DPP4: variants seen among roughly 807,000 people sequenced by gnomAD.
DPP4 encodes the protein dipeptidyl peptidase 4, also known as ADCP-2.
In DPP4, 93 loss-of-function variants were observed where a neutral mutation model predicts 122.4. That is an observed-to-expected ratio of 0.76 (90% confidence interval 0.64 to 0.90). The LOEUF is 0.90. Among genes scored for constraint, DPP4 ranks in the 40% least tolerant of loss-of-function variants. The pLI is 0.00. For synonymous variants in DPP4, 321 were observed against 302.9 expected (o/e 1.06, Z -0.62); for missense variants, 914 against 907.3 (o/e 1.01, Z -0.09).
At chr2:162,001,868 C>T (rs1701158155) in intron 23 of DPP4, among the ~76,000 whole-genome samples, 1 of 152,186 alleles carries the variant, frequency 6.6e-6, no homozygotes, top group African/African-American at 2.4e-5. Context: ...GTCACCCCTC[C>T]ACTTTGGCTG....
chr2:162,039,162 G>A lies in DPP4; in HGVS notation c.389C>T (p.Ala130Val). The change falls in exon 6 of 26, where the codon GCT (alanine) becomes GTT (valine). Residue 130 changes from alanine (A) to valine (V), a missense_variant. Coordinates refer to ENST00000360534, the MANE Select transcript of DPP4 (RefSeq NM_001935.4). The stretch of plus-strand genomic sequence containing the variant: ...ATTTAAATCATAAATGTCATATGAA[G>A]CTGTGTAGGAATGCCTCCATTGCTA... ...YVKQWRHSYT[A>V]SYDIYDLNKR... The A allele has an allele frequency of 6.2e-7, 1 of 1,612,842 alleles. No individual in the cohort carries two copies. Among genetic ancestry groups the A allele is most frequent in the African/African-American group, 1.3e-5 (1 of 74,990 alleles).
At chr2:162,063,347 G>A (rs1684846376) in intron 2 of DPP4, among the ~76,000 whole-genome samples, 1 of 152,196 alleles carries the variant, frequency 6.6e-6, no homozygotes. Context: ...AAAAGGTCTG[G>A]TTTGCAGGTA....
At chr2:162,029,615 G>A (rs181626187) in intron 10 of DPP4, among the ~76,000 whole-genome samples, 58 of 152,336 alleles carry the variant, frequency 3.8e-4, no homozygotes, top group African/African-American at 1.4e-3. Context: ...CTTTGATGTT[G>A]CAGCTTTATA....
At chr2:162,044,779 C>A in intron 5 of DPP4, among the ~76,000 whole-genome samples, 1 of 151,944 alleles carries the variant, frequency 6.6e-6, no homozygotes, top group Non-Finnish European at 1.5e-5. Flanking sequence ...TGGAGTTGAG[C>A]TGGGTAACTG....
intron 2 of DPP4, among the ~76,000 whole-genome samples, chr2:162,068,643 G>A (rs1685023046): frequency 6.6e-6 from 1 of 152,040 alleles, no homozygotes; most frequent in African/African-American, 2.4e-5. Context: ...TTCCTCTCTT[G>A]GATCCTTCAT....
chr2:162,025,017 T>C, intron 10 of DPP4, 78 bp from the exon 11 acceptor site: 1 of 1,486,468 alleles, frequency 6.7e-7, no homozygotes, highest in Non-Finnish European at 9.0e-7. Flanking sequence ...AAATAGACAT[T>C]TTACTCAGTG....
chr2:162,020,636 A>G lies in DPP4; in HGVS notation c.1121T>C (p.Ile374Thr), dbSNP rs778035073. ...FTLDGNSFYKIISNEEGYRHI... is the reference protein window; with the variant it reads ...FTLDGNSFYKTISNEEGYRHI... ...TCTGTAACCTTCTTCATTGCTGATG[A>G]TCTTGTAGAAGCTATTACCATCAAG... Residue 374 changes from isoleucine (I) to threonine (T), a missense_variant, in exon 13 of 26, where the codon ATC (isoleucine) becomes ACC (threonine). Ile to Thr is a moderately conservative substitution (Grantham distance 89). Transcript: ENST00000360534. The G allele has an allele frequency of 2.5e-6, 4 of 1,612,970 alleles. No homozygotes were observed. Among genetic ancestry groups the G allele is most frequent in the East Asian group, 4.5e-5 (2 of 44,814 alleles).
At position 162,019,100 on chromosome 2, in the gene DPP4, A is replaced by G. The variant is rs1389401802; in HGVS notation, c.1298+123T>C. On this transcript the variant is annotated intron_variant, in intron 15 of 25. Transcript: ENST00000360534. The stretch of plus-strand genomic sequence containing the variant: ...CATGTAGATTGATTTATGAAGGAAT[A>G]AAAAGTGCTCAATAGCAATACCAGT... 5.1e-6 allele frequency: 5 copies of G among 977,920 alleles called. No homozygotes were observed. The East Asian group carries it at 7.2e-5, about 14-fold the overall frequency. 60.6% of individuals were successfully genotyped at this position (977,920 alleles called of 1,614,324 possible).
chr2:162,021,044 A>C (rs1559711829), intron 12 of DPP4, among the ~76,000 whole-genome samples: 1 of 152,224 alleles, frequency 6.6e-6, no homozygotes, highest in Non-Finnish European at 1.5e-5. Context: ...AGTTTGGAGC[A>C]GTAAATTTCC....
In DPP4 at chr2:161,995,298, A is replaced by G. The variant is rs1202315950; in HGVS notation, c.2125+2T>C. ...TAAAAAGTCTAATTAACTGAAACTC[A>G]CCATCTGCTGTTCCATGAATAAGGA... On this transcript the variant is annotated splice_donor_variant, in intron 24 of 25. Transcript: ENST00000360534. LOFTEE classifies it high-confidence loss of function. 1 of 1,613,242 alleles carries G rather than the reference A, an allele frequency of 6.2e-7. No homozygotes were observed.
intron 22 of DPP4, among the ~76,000 whole-genome samples, chr2:162,007,994 C>T (rs1004863527): frequency 4.4e-4 from 67 of 152,220 alleles, no homozygotes; most frequent in African/African-American, 1.4e-3. Context: ...CCCTCATCTT[C>T]CATCGCTTAC....
intron 18 of DPP4, among the ~76,000 whole-genome samples, chr2:162,015,243 C>A (rs978906387): frequency 6.6e-6 from 1 of 152,042 alleles, no homozygotes; most frequent in Non-Finnish European, 1.5e-5. Context: ...ATCTCTAGAG[C>A]TATTTTTATC....
intron 23 of DPP4, among the ~76,000 whole-genome samples, chr2:162,001,697 G>A (rs1178359388): frequency 6.6e-6 from 1 of 152,174 alleles, no homozygotes; most frequent in East Asian, 1.9e-4. Flanking sequence ...TCCACAAGGT[G>A]TGGCTACAGC....
At chr2:162,028,457 A>C in intron 10 of DPP4, among the ~76,000 whole-genome samples, 1 of 152,252 alleles carries the variant, frequency 6.6e-6, no homozygotes, top group South Asian at 2.1e-4. Flanking sequence ...CAGGATTATC[A>C]TCTATGCTTT....
chr2:162,048,318 G>A (rs75942577), intron 2 of DPP4, among the ~76,000 whole-genome samples: 1 of 151,704 alleles, frequency 6.6e-6, no homozygotes, highest in Non-Finnish European at 1.5e-5. Flanking sequence ...GATTATTCCT[G>A]GAAATTTTTT....
At position 162,022,736 on chromosome 2, in the gene DPP4, C is replaced by A. The variant is rs1239962970; in HGVS notation, c.1068+19G>T. On this transcript the variant is annotated intron_variant, in intron 12 of 25. Coordinates refer to ENST00000360534, the MANE Select transcript of DPP4 (RefSeq NM_001935.4). The stretch of plus-strand genomic sequence containing the variant: ...AGTAGCTGACTCATCCATAAAACCC[C>A]ACAACTTATAACACTTACTCTTCCA... The A allele has an allele frequency of 6.2e-7, 1 of 1,613,606 alleles. No homozygotes were observed. Among genetic ancestry groups the A allele is most frequent in the East Asian group, 2.2e-5 (1 of 44,868 alleles).
chr2:162,021,631 TG>T (rs1683132354), intron 12 of DPP4: 2 of 152,208 alleles, frequency 1.3e-5, no homozygotes, highest in Non-Finnish European at 2.9e-5. Flanking sequence ...GTACACTTGG[TG>T]TTCTCATTAC....
chr2:162,063,320 T>G (rs1684845537), intron 2 of DPP4, among the ~76,000 whole-genome samples: 1 of 152,198 alleles, frequency 6.6e-6, no homozygotes, highest in Non-Finnish European at 1.5e-5. Context: ...AGTTGTATAC[T>G]GCACCTAGAG....
intron 2 of DPP4, among the ~76,000 whole-genome samples, chr2:162,068,347 T>C (rs1685014402): frequency 6.6e-6 from 1 of 152,234 alleles, no homozygotes; most frequent in Non-Finnish European, 1.5e-5. Flanking sequence ...CAGAATGATA[T>C]GGAGTTGAAC....
Sources: gnomAD v4.1 joint callset for allele counts (sites outside exome capture counted in the v4.1 genomes callset) on GRCh38, gnomAD v4.1.1 for gene constraint, MANE v1.5 for transcripts, NCBI Gene and HGNC (gene_info 2026-07-23, HGNC 2026-07-21) for gene names.